LIMK1: variants seen among roughly 807,000 people sequenced by gnomAD.
LIMK1 encodes the protein LIM motif-containing protein kinase.
Under a neutral mutation model 77.6 loss-of-function variants are expected in LIMK1, and 21 were observed. The observed-to-expected ratio is 0.27, with a 90% CI of 0.19 to 0.39. LIMK1 has a LOEUF of 0.39. Ranked by LOEUF, LIMK1 falls within the 10% of genes least tolerant of loss-of-function variation. The pLI, the probability that LIMK1 is intolerant of heterozygous loss-of-function variation, is 1.00. For missense variants in LIMK1, 696 were observed against 901.6 expected, an observed-to-expected ratio of 0.77 and a Z score of 2.92; for synonymous variants, 358 against 370.0, an observed-to-expected ratio of 0.97 and a Z score of 0.37.
intron 13 of LIMK1, among the ~76,000 whole-genome samples, chr7:74,120,229 A>G (rs1381302757): frequency 1.3e-5 from 2 of 152,192 alleles, no homozygotes; most frequent in Non-Finnish European, 2.9e-5. Context: ...CCCATCTGCA[A>G]AAGACCCTTT....
rs574006378 is a variant in LIMK1, at chr7:74,112,087, C to T, written c.1410+89C>T. 282 of 1,064,444 alleles carry T rather than the reference C, an allele frequency of 2.6e-4. 5 individuals are homozygous for T. The East Asian group carries it at 6.7e-3, about 25-fold the overall frequency. The allele number at this position is 1,064,444 out of a possible 1,614,324, so 65.9% of individuals were successfully genotyped here. A position where few individuals can be genotyped will look rare whatever the true frequency, so the allele number is the denominator to read the frequency against. On this transcript the variant is annotated intron_variant, in intron 12 of 15. Coordinates refer to ENST00000336180, the MANE Select transcript of LIMK1 (RefSeq NM_002314.4). ...CTCAGGGCCTTCCCAGAACTGGAGGCCCCTCCATGTTGCCTCCATGACTTC... is the reference window on the plus strand; with the variant it reads ...CTCAGGGCCTTCCCAGAACTGGAGGTCCCTCCATGTTGCCTCCATGACTTC...
chr7:74,121,423 C>G lies in LIMK1; in HGVS notation c.*122C>G. The G allele has an allele frequency of 9.7e-7, 1 of 1,032,746 alleles. No homozygotes were observed. The highest frequency in any genetic ancestry group is 2.6e-5 in the East Asian group (1 of 37,848). The allele number at this position is 1,032,746 out of a possible 1,614,324, so 64.0% of individuals were successfully genotyped here. A position where few individuals can be genotyped will look rare whatever the true frequency, so the allele number is the denominator to read the frequency against. ...CCCAGGCTTCTCCTCAGAGCCAGGC[C>G]CTGACTTGCCTTCTCCCACCCCGTG... On this transcript the variant is annotated 3_prime_UTR_variant, in exon 16 of 16. Coordinates refer to ENST00000336180, the MANE Select transcript of LIMK1 (RefSeq NM_002314.4).
intron 5 of LIMK1, among the ~76,000 whole-genome samples, chr7:74,101,205 GC>G (rs1433201367): frequency 6.6e-6 from 1 of 152,204 alleles, no homozygotes; most frequent in East Asian, 1.9e-4. Context: ...GCCAGCAGCT[GC>G]TTTACATACA....
intron 2 of LIMK1, among the ~76,000 whole-genome samples, chr7:74,089,639 G>A (rs1189728127): frequency 2.0e-5 from 3 of 152,152 alleles, no homozygotes; most frequent in African/African-American, 7.2e-5. Flanking sequence ...TGTTGACTCT[G>A]ATGGAATTGG....
chr7:74,093,342 A>G, intron 2 of LIMK1: 1 of 1,535,200 alleles, frequency 6.5e-7, no homozygotes, highest in African/African-American at 1.4e-5. Context: ...GGCTCCAGGC[A>G]GGGCCCCTGG....
chr7:74,113,502 G>A (rs925309850), intron 12 of LIMK1, among the ~76,000 whole-genome samples: 1 of 151,936 alleles, frequency 6.6e-6, no homozygotes, highest in East Asian at 1.9e-4. Flanking sequence ...GCGCATGCCT[G>A]TAATCCCAGC....
At chr7:74,084,154 G>T in intron 1 of LIMK1, 109 bp downstream of exon 1, 1 of 439,670 alleles carries the variant, frequency 2.3e-6, no homozygotes, top group South Asian at 4.4e-5. Context: ...TGCCTCCTCC[G>T]GGATGAGCTC....
intron 1 of LIMK1, among the ~76,000 whole-genome samples, chr7:74,084,406 C>T (rs991947495): frequency 2.0e-5 from 3 of 152,188 alleles, no homozygotes; most frequent in African/African-American, 7.2e-5. Context: ...GAAGAAAGAG[C>T]GGCTGGGGAA....
chr7:74,120,540 A>T lies in LIMK1; in HGVS notation c.1568-43A>T, dbSNP rs578254592. The T allele has an allele frequency of 1.7e-5, 28 of 1,608,888 alleles. No homozygotes were observed. In the South Asian group the frequency reaches 2.9e-4, roughly 16 times the overall value. The stretch of plus-strand genomic sequence containing the variant: ...TCCCCTGCCTTTTGGCATCCCTGGC[A>T]CCCCCATGTGTTCATCTGCTGACAG... On this transcript the variant is annotated intron_variant, in intron 13 of 15. Transcript: ENST00000336180.
At chr7:74,099,958 A>C (rs1243914770) in intron 5 of LIMK1, among the ~76,000 whole-genome samples, 2 of 113,262 alleles carry the variant, frequency 1.8e-5, no homozygotes, top group Non-Finnish European at 4.0e-5. Flanking sequence ...GCATGTCTAC[A>C]AAAAAAAAAA....
chr7:74,099,727 T>G (rs1381839362), intron 5 of LIMK1, among the ~76,000 whole-genome samples: 3 of 151,726 alleles, frequency 2.0e-5, no homozygotes, highest in African/African-American at 7.2e-5. Context: ...TAACTCTGTA[T>G]CAAAAAAATA....
intron 7 of LIMK1, among the ~76,000 whole-genome samples, chr7:74,106,796 T>C (rs1443582831): frequency 6.6e-6 from 1 of 151,192 alleles, no homozygotes; most frequent in African/African-American, 2.4e-5. Context: ...ATCTGAGGGG[T>C]TGAGGGGAGC....
intron 8 of LIMK1, among the ~76,000 whole-genome samples, chr7:74,107,550 G>T (rs1287727021): frequency 6.6e-6 from 1 of 152,054 alleles, no homozygotes; most frequent in African/African-American, 2.4e-5. Context: ...GGGTATAGTG[G>T]TGCATGCCTG....
At chr7:74,093,727 G>A (rs1799282363) in intron 2 of LIMK1, among the ~76,000 whole-genome samples, 1 of 152,172 alleles carries the variant, frequency 6.6e-6, no homozygotes, top group African/African-American at 2.4e-5. Context: ...AGTGGGGCCA[G>A]GGCATGGCTC....
intron 1 of LIMK1, 36 bp downstream of exon 1, chr7:74,084,081 A>AG: frequency 7.9e-7 from 1 of 1,261,702 alleles, no homozygotes; most frequent in Non-Finnish European, 1.1e-6. Flanking sequence ...GAGGGCCTGG[A>AG]GGGGGTGCCC....
Position 74,107,006 on chromosome 7 carries a change from C to T in LIMK1, c.882-4C>T. On this transcript the variant is annotated splice_polypyrimidine_tract_variant and splice_region_variant and intron_variant, in intron 7 of 15. Coordinates refer to ENST00000336180, the MANE Select transcript of LIMK1 (RefSeq NM_002314.4). ...TGGCACTTGGCACCATGTGTGCCCC[C>T]CAGGAGGAGCTGCAGCATCGACAGG... 6.3e-7 allele frequency: 1 copy of T among 1,575,866 alleles called. No homozygotes were observed. The highest frequency in any genetic ancestry group is 8.6e-7 in the Non-Finnish European group (1 of 1,162,042).
intron 5 of LIMK1, among the ~76,000 whole-genome samples, chr7:74,101,833 AT>A (rs1799465016): frequency 2.0e-5 from 3 of 147,744 alleles, no homozygotes; most frequent in Non-Finnish European, 4.4e-5. Context: ...TAGACACACA[AT>A]TTTTTTTTGA....
intron 2 of LIMK1, among the ~76,000 whole-genome samples, chr7:74,087,111 G>T (rs1369224358): frequency 6.6e-6 from 1 of 152,084 alleles, no homozygotes; most frequent in Non-Finnish European, 1.5e-5. Context: ...GGGTAGAAAA[G>T]TAGAGTGGAG....
intron 9 of LIMK1, 30 bp downstream of exon 9, chr7:74,107,987 A>G: frequency 1.3e-6 from 2 of 1,488,924 alleles, no homozygotes; most frequent in Non-Finnish European, 9.2e-7. Context: ...TCTTCCCTCC[A>G]GAGGGACTTC....
Sources: gnomAD v4.1 joint callset for allele counts (sites outside exome capture counted in the v4.1 genomes callset) on GRCh38, gnomAD v4.1.1 for gene constraint, MANE v1.5 for transcripts, NCBI Gene and HGNC (gene_info 2026-07-23, HGNC 2026-07-21) for gene names.